Variants in PCDHA6 observed in about 807,000 individuals in gnomAD.
PCDHA6 encodes the protein protocadherin alpha-6.
In PCDHA6, 55 loss-of-function variants were observed where a neutral mutation model predicts 60.3. That is an observed-to-expected ratio of 0.91 (90% CI 0.73 to 1.14). The LOEUF is 1.14. PCDHA6 is among the 50% of genes most tolerant of loss of function. The pLI, the probability that PCDHA6 is intolerant of heterozygous loss-of-function variation, is 0.00. For missense variants in PCDHA6, 1,327 were observed against 1,256.5 expected (o/e 1.06, Z -0.85); for synonymous variants, 652 against 557.9 (o/e 1.17, Z -2.38).
chr5:140,852,813 C>T, intron 1 of PCDHA6: 1 of 972,188 alleles, frequency 1.0e-6, no homozygotes, highest in Non-Finnish European at 1.2e-6. Context: ...TGTCTCCCGC[C>T]CTAAGTCCTC....
At chr5:140,951,723 A>C (rs1364455679) in intron 1 of PCDHA6, among the ~76,000 whole-genome samples, 1 of 152,104 alleles carries the variant, frequency 6.6e-6, no homozygotes, top group African/African-American at 2.4e-5. Context: ...GATCCAAACC[A>C]TGTCATTCTG....
At chr5:140,967,315 G>A (rs1554229427) in intron 1 of PCDHA6, 1 of 1,610,854 alleles carries the variant, frequency 6.2e-7, no homozygotes, top group African/African-American at 1.3e-5. Context: ...ACTCAGTACA[G>A]ACCTACGAGC....
rs371515299 is a variant in PCDHA6, at chr5:140,870,550, G to T, written c.2394+40065G>T. 1.5e-5 allele frequency: 24 copies of T among 1,613,948 alleles called. No individual in the cohort carries two copies. The highest frequency in any genetic ancestry group is 1.6e-4 in the Middle Eastern group (1 of 6,080). ...CACAGTGTCGGCGCGGGACGCGGAC[G>T]CGCAGGAGAACGCGCTGGTGTCCTA... On this transcript the variant is annotated intron_variant, in intron 1 of 3. Transcript: ENST00000529310.
At chr5:140,967,174 G>A (rs1554229282) in intron 1 of PCDHA6, 1 of 1,611,892 alleles carries the variant, frequency 6.2e-7, no homozygotes, top group Non-Finnish European at 8.5e-7. Flanking sequence ...CCGTTGAGGT[G>A]GAAATATTGG....
chr5:140,828,260 G>A lies in PCDHA6; in HGVS notation c.169G>A (p.Ala57Thr), dbSNP rs2150153212. The A allele has an allele frequency of 6.8e-6, 11 of 1,614,030 alleles. No homozygotes were observed. The highest frequency in any genetic ancestry group is 7.6e-6 in the Non-Finnish European group (9 of 1,180,050). Residue 57 changes from alanine (A) to threonine (T), a missense_variant, in exon 1 of 4, where the codon GCG (alanine) becomes ACG (threonine). Coordinates refer to ENST00000529310, the MANE Select transcript of PCDHA6 (RefSeq NM_018909.4). ...CGCGCAGGACCTGGGGCTGGAGCTGGCGGAGCTGGTGCCGCGCCTGTTCAG... is the reference window on the plus strand; with the variant it reads ...CGCGCAGGACCTGGGGCTGGAGCTGACGGAGCTGGTGCCGCGCCTGTTCAG... ...RIAQDLGLEL[A>T]ELVPRLFRMA...
chr5:140,978,571 A>G (rs891123704), intron 1 of PCDHA6, among the ~76,000 whole-genome samples: 5 of 152,208 alleles, frequency 3.3e-5, no homozygotes, highest in African/African-American at 1.2e-4. Flanking sequence ...TGTAATACTG[A>G]ATTGGGAATG....
At chr5:140,909,101 G>C (rs1242179195) in intron 1 of PCDHA6, among the ~76,000 whole-genome samples, 1 of 152,122 alleles carries the variant, frequency 6.6e-6, no homozygotes, top group Non-Finnish European at 1.5e-5. Flanking sequence ...CACTCACTGG[G>C]TCCAATCAGC....
intron 1 of PCDHA6, among the ~76,000 whole-genome samples, chr5:140,879,217 G>A (rs1163771659): frequency 6.6e-6 from 1 of 152,164 alleles, no homozygotes; most frequent in African/African-American, 2.4e-5. Context: ...GAAATGAATT[G>A]AAAAAGACAT....
intron 1 of PCDHA6, among the ~76,000 whole-genome samples, chr5:140,912,714 C>T (rs1312540155): frequency 6.6e-6 from 1 of 152,088 alleles, no homozygotes; most frequent in African/African-American, 2.4e-5. Context: ...CAACTTTTCT[C>T]CATTCAATAT....
intron 1 of PCDHA6, among the ~76,000 whole-genome samples, chr5:140,854,943 T>C (rs1157657888): frequency 6.7e-6 from 1 of 149,922 alleles, no homozygotes; most frequent in East Asian, 1.9e-4. Flanking sequence ...GCAGAAATAA[T>C]AAATTTCTTA....
chr5:140,927,756 T>G (rs782307164), intron 1 of PCDHA6: 2 of 1,614,012 alleles, frequency 1.2e-6, no homozygotes, highest in South Asian at 1.1e-5. Flanking sequence ...ACGTGCACCC[T>G]AAAAGTGGGG....
At chr5:140,848,371 A>C in intron 1 of PCDHA6, 2 of 1,131,148 alleles carry the variant, frequency 1.8e-6, no homozygotes, top group South Asian at 3.0e-5. Context: ...AAAGAGGCTC[A>C]ATTCTTTTTC....
At chr5:140,962,428 C>G (rs1359949802) in intron 1 of PCDHA6, among the ~76,000 whole-genome samples, 1 of 152,136 alleles carries the variant, frequency 6.6e-6, no homozygotes, top group Non-Finnish European at 1.5e-5. Flanking sequence ...TTTATTGTTA[C>G]TTATCCAAAG....
intron 1 of PCDHA6, among the ~76,000 whole-genome samples, chr5:140,895,928 A>G (rs559949902): frequency 5.9e-5 from 9 of 152,226 alleles, no homozygotes; most frequent in African/African-American, 1.9e-4. Flanking sequence ...ATCCTGCCTC[A>G]GCCTCCCGAG....
chr5:140,853,332 G>A (rs2042712938), intron 1 of PCDHA6: 2 of 984,708 alleles, frequency 2.0e-6, no homozygotes, highest in African/African-American at 3.5e-5. Flanking sequence ...TATCTTTTGA[G>A]GTCATTAGCA....
At chr5:140,939,911 T>C (rs1554213037) in intron 1 of PCDHA6, among the ~76,000 whole-genome samples, 1 of 152,232 alleles carries the variant, frequency 6.6e-6, no homozygotes, top group African/African-American at 2.4e-5. Flanking sequence ...TTCTTTTTTA[T>C]TCTTTTTGTT....
chr5:140,958,265 C>A (rs1010851166), intron 1 of PCDHA6, among the ~76,000 whole-genome samples: 1 of 151,680 alleles, frequency 6.6e-6, no homozygotes, highest in Admixed American at 6.6e-5. Flanking sequence ...TAATTTGGTA[C>A]AAGAAGTATA....
intron 1 of PCDHA6, chr5:140,841,899 A>G (rs1362176056): frequency 1.9e-6 from 3 of 1,613,740 alleles, no homozygotes; most frequent in Non-Finnish European, 2.5e-6. Context: ...AAACTGGTTG[A>G]GCTCGTATTA....
intron 3 of PCDHA6, among the ~76,000 whole-genome samples, chr5:141,006,751 G>A (rs1369409000): frequency 2.0e-5 from 3 of 152,166 alleles, no homozygotes; most frequent in Non-Finnish European, 4.4e-5. Flanking sequence ...ATTATAAATG[G>A]AGAATGAAGA....
Sources: gnomAD v4.1 joint callset for allele counts (sites outside exome capture counted in the v4.1 genomes callset) on GRCh38, gnomAD v4.1.1 for gene constraint, MANE v1.5 for transcripts, NCBI Gene and HGNC (gene_info 2026-07-23, HGNC 2026-07-21) for gene names.